The following ATG2B variants were observed in gnomAD, a reference collection of about 807,000 sequenced individuals.
ATG2B encodes autophagy-related protein 2 homolog B.
A neutral mutation model predicts 241.3 loss-of-function variants in ATG2B; 121 were observed. The observed-to-expected ratio is 0.50, with a 90% CI of 0.43 to 0.58. The LOEUF (loss-of-function observed/expected upper bound fraction) is 0.58, where lower values mean the gene tolerates loss of function less well. ATG2B is among the 20% of genes least tolerant of loss of function. The pLI is 0.00. For synonymous variants in ATG2B, 858 were observed against 876.6 expected, an observed-to-expected ratio of 0.98 and a Z score of 0.37; for missense variants, 2,306 against 2,491.6, an observed-to-expected ratio of 0.93 and a Z score of 1.59.
At chr14:96,345,743 A>T (rs1360901812) in intron 2 of ATG2B, among the ~76,000 whole-genome samples, 1 of 152,154 alleles carries the variant, frequency 6.6e-6, no homozygotes, top group Non-Finnish European at 1.5e-5. Context: ...TTTTTTCTGT[A>T]AAGGGTCAGA....
chr14:96,299,083 A>C (rs901409105), intron 34 of ATG2B, among the ~76,000 whole-genome samples: 1 of 152,232 alleles, frequency 6.6e-6, no homozygotes, highest in Non-Finnish European at 1.5e-5. Flanking sequence ...GATGAAAAAC[A>C]CAATTGTGCA....
chr14:96,323,819 A>G (rs1339071315), intron 16 of ATG2B, 77 bp downstream of exon 16: 2 of 952,200 alleles, frequency 2.1e-6, no homozygotes, highest in African/African-American at 1.7e-5. Flanking sequence ...TATATTTAAT[A>G]GACAAAATGT....
rs1263051167 is a variant in ATG2B at position 96,310,925 on chromosome 14, T to C, written c.4161+192A>G. On this transcript the variant is annotated intron_variant, in intron 28 of 41. Coordinates refer to ENST00000359933, the MANE Select transcript of ATG2B (RefSeq NM_018036.7). ...TAGGAAGATTAATGGAAACAAAGAATATCAAAACAGCAGAATGGTTTTCCA... is the reference window on the plus strand; with the variant it reads ...TAGGAAGATTAATGGAAACAAAGAACATCAAAACAGCAGAATGGTTTTCCA... 4.6e-5 allele frequency among the ~76,000 whole-genome samples: 7 copies of C among 152,028 alleles called. 1 individual carries two copies. The highest frequency in any genetic ancestry group is 4.6e-4 in the Admixed American group (7 of 15,266).
chr14:96,317,425 GGT>G, intron 19 of ATG2B, 108 bp from the exon 20 acceptor site: 1 of 968,318 alleles, frequency 1.0e-6, no homozygotes, highest in East Asian at 2.6e-5. Flanking sequence ...CAAAGAATAT[GGT>G]GTGAACACAG....
intron 5 of ATG2B, 98 bp from the exon 6 acceptor site, chr14:96,341,799 G>T: frequency 3.0e-6 from 3 of 995,188 alleles, no homozygotes; most frequent in South Asian, 2.5e-5. Context: ...TAAAATATTT[G>T]ACATGTAAAA....
chr14:96,316,003 T>C (rs1301822958), intron 21 of ATG2B, among the ~76,000 whole-genome samples: 1 of 152,214 alleles, frequency 6.6e-6, no homozygotes, highest in African/African-American at 2.4e-5. Flanking sequence ...TGGAATATTA[T>C]TTGGCAATAA....
At chr14:96,311,334 C>A in intron 27 of ATG2B, 47 bp from the exon 28 acceptor site, 1 of 1,549,940 alleles carries the variant, frequency 6.5e-7, no homozygotes, top group Non-Finnish European at 8.7e-7. Flanking sequence ...CCAAATGAGA[C>A]AAAAGTTTCT....
intron 1 of ATG2B, among the ~76,000 whole-genome samples, chr14:96,354,468 T>C (rs552400004): frequency 6.6e-6 from 1 of 152,382 alleles, no homozygotes; most frequent in African/African-American, 2.4e-5. Flanking sequence ...TTCCTTTTTA[T>C]GGCTGCATAG....
chr14:96,336,190 T>G lies in ATG2B; in HGVS notation c.925-1689A>C, dbSNP rs141467229. Among the ~76,000 whole-genome samples the G allele has an allele frequency of 6.3e-3, 954 of 152,100 alleles. 12 individuals are homozygous for G. The highest frequency in any genetic ancestry group is 0.022 in the African/African-American group (908 of 41,470). ...AAAAACATGAAATCTTTCATAACAT[T>G]TTGAATCCACAGTTGAAAGAGTTAA... On this transcript the variant is annotated intron_variant, in intron 6 of 41. Transcript: ENST00000359933.
rs1340112810 is a variant in ATG2B at position 96,340,110 on chromosome 14, G to T, written c.924+1412C>A. On this transcript the variant is annotated intron_variant, in intron 6 of 41. Transcript: ENST00000359933. ...TGAATATATGCTATATAGAATATATGATATATATGAATATATATATCATAT... is the reference window on the plus strand; with the variant it reads ...TGAATATATGCTATATAGAATATATTATATATATGAATATATATATCATAT... 9.0e-5 allele frequency among the ~76,000 whole-genome samples: 2 copies of T among 22,232 alleles called. 1 individual carries two copies. The highest frequency in any genetic ancestry group is 1.7e-4 in the Non-Finnish European group (2 of 12,104). 14.6% of individuals were successfully genotyped at this position (22,232 alleles called of 152,430 possible). A position where few individuals can be genotyped will look rare whatever the true frequency, so the allele number is the denominator to read the frequency against.
chr14:96,358,326 T>C (rs78087074), intron 1 of ATG2B, among the ~76,000 whole-genome samples: 17,849 of 152,056 alleles, frequency 0.12, 1,356 homozygotes, highest in Non-Finnish European at 0.15. Context: ...AGTCCCCACC[T>C]ACTCAGGAGG....
chr14:96,336,165 A>C (rs557106140), intron 6 of ATG2B, among the ~76,000 whole-genome samples: 7 of 152,240 alleles, frequency 4.6e-5, no homozygotes, highest in South Asian at 2.1e-4. Flanking sequence ...AAAAAAAAAA[A>C]AAAACATGAA....
Position 96,328,540 on chromosome 14 carries a change from T to TAAA in ATG2B, c.1975-8_1975-6dup. 2 of 1,162,162 alleles carry TAAA rather than the reference T, an allele frequency of 1.7e-6. No individual in the cohort carries two copies. Among genetic ancestry groups the TAAA allele is most frequent in the Non-Finnish European group, 2.4e-6 (2 of 847,108 alleles). 72.0% of individuals were successfully genotyped at this position (1,162,162 alleles called of 1,614,324 possible). A position where few individuals can be genotyped will look rare whatever the true frequency, so the allele number is the denominator to read the frequency against. On this transcript the variant is annotated splice_polypyrimidine_tract_variant and splice_region_variant and intron_variant, in intron 13 of 41. Transcript: ENST00000359933. The stretch of plus-strand genomic sequence containing the variant: ...ACTAAGTCTTGCTTGATTACCCTTT[T>TAAA]AAAAAAAAAAAAGAAAAGGCATTAA...
chr14:96,295,466 T>C lies in ATG2B; in HGVS notation c.5218+16A>G, dbSNP rs1886611235. On this transcript the variant is annotated intron_variant, in intron 35 of 41. Transcript: ENST00000359933. ...AAGTACTTGGTATAGTCTTTTCAAC[T>C]ATACATATTTAATACCTTCTGGATC... 1 of 1,540,196 alleles carries C rather than the reference T, an allele frequency of 6.5e-7. No homozygotes were observed. Among genetic ancestry groups the C allele is most frequent in the Admixed American group, 2.1e-5 (1 of 48,682 alleles).
At position 96,334,313 on chromosome 14, in the gene ATG2B, AG is replaced by A. The variant is rs372804803; in HGVS notation, c.1021+91del. 5 of 761,642 alleles carry A rather than the reference AG, an allele frequency of 6.6e-6. No individual in the cohort carries two copies. The African/African-American group carries it at 9.2e-5, about 14-fold the overall frequency. The allele number at this position is 761,642 out of a possible 1,614,324, so 47.2% of individuals were successfully genotyped here. On this transcript the variant is annotated intron_variant, in intron 7 of 41. Coordinates refer to ENST00000359933, the MANE Select transcript of ATG2B (RefSeq NM_018036.7). Reference sequence around the variant, plus strand: ...TTCAATTCAGATATTCAAAAATAATAGACTTTCCTACATGTACATACATTAC... The same window carrying A: ...TTCAATTCAGATATTCAAAAATAATAACTTTCCTACATGTACATACATTAC...
intron 29 of ATG2B, among the ~76,000 whole-genome samples, chr14:96,308,231 C>CATAT (rs1181364234): frequency 6.2e-4 from 11 of 17,602 alleles, no homozygotes; most frequent in Non-Finnish European, 9.6e-4. Context: ...TATATATATA[C>CATAT]ATATATATAT....
rs1886233501 is a variant in ATG2B, at chr14:96,282,792, T to C, written c.*2963A>G. ...TTTAAAGGAGATAGTTAAAAAGTAA[T>C]GCCCTAAAAGCCAGAAATATTTCAA... On this transcript the variant is annotated 3_prime_UTR_variant, in exon 42 of 42. Coordinates refer to ENST00000359933, the MANE Select transcript of ATG2B (RefSeq NM_018036.7). 1 of 152,210 alleles carries C rather than the reference T, an allele frequency of 6.6e-6. No individual in the cohort carries two copies. Among genetic ancestry groups the C allele is most frequent in the Non-Finnish European group, 1.5e-5 (1 of 68,030 alleles). The allele number at this position is 152,210 out of a possible 1,614,324, so 9.4% of individuals were successfully genotyped here. A position where few individuals can be genotyped will look rare whatever the true frequency, so the allele number is the denominator to read the frequency against.
At position 96,291,607 on chromosome 14, in the gene ATG2B, G is replaced by A. The variant is rs778403094; in HGVS notation, c.5572C>T (p.Arg1858Ter). 2 of 1,597,686 alleles carry A rather than the reference G, an allele frequency of 1.3e-6. No homozygotes were observed. Among genetic ancestry groups the A allele is most frequent in the East Asian group, 2.2e-5 (1 of 44,648 alleles). ...TATAATAAATTCACTTACCCATGTC[G>A]ATAGGAAAGCCTCTTGAGCTTTAGT... ...SELKLKRLSY[R>*]HGLLGVDKLF... Residue 1858 changes from arginine (R) to a stop codon, truncating the protein, a stop_gained, in exon 38 of 42, where the codon CGA becomes TGA. Coordinates refer to ENST00000359933, the MANE Select transcript of ATG2B (RefSeq NM_018036.7). LOFTEE classifies it high-confidence loss of function.
rs1361373941 is a variant in ATG2B at position 96,322,320 on chromosome 14, T to C, written c.2737-66A>G. 3 of 1,532,356 alleles carry C rather than the reference T, an allele frequency of 2.0e-6. No individual in the cohort carries two copies. In the African/African-American group the frequency reaches 4.2e-5, roughly 22 times the overall value. 94.9% of individuals were successfully genotyped at this position (1,532,356 alleles called of 1,614,324 possible). ...GTTTAAAATAGTAGTAGCATCTTCT[T>C]AGCCTATCCATAGGACTTGGTATGT... On this transcript the variant is annotated intron_variant, in intron 17 of 41. Coordinates refer to ENST00000359933, the MANE Select transcript of ATG2B (RefSeq NM_018036.7).
Sources: allele counts gnomAD v4.1 joint callset (sites outside exome capture counted in the v4.1 genomes callset), GRCh38; gene constraint gnomAD v4.1.1; transcripts MANE v1.5; gene names NCBI Gene and HGNC (gene_info 2026-07-23, HGNC 2026-07-21).